The following LEUTX variants were observed in gnomAD, a reference collection of about 807,000 sequenced individuals.
The protein encoded by LEUTX is leucine twenty homeobox.
LEUTX carries 5 observed loss-of-function variants against 4.5 expected under a neutral mutation model. The ratio of observed to expected loss-of-function variants is 1.11; its 90% confidence interval spans 0.58 to 2.34. The LOEUF is 2.34. Ranked by LOEUF, LEUTX falls within the 30% of genes most tolerant of loss-of-function variation. The pLI, the probability that LEUTX is intolerant of heterozygous loss-of-function variation, is 0.01. For synonymous variants in LEUTX, 89 were observed against 85.1 expected, an observed-to-expected ratio of 1.05 and a Z score of -0.25; for missense variants, 233 against 239.4, an observed-to-expected ratio of 0.97 and a Z score of 0.18.
intron 1 of LEUTX, among the ~76,000 whole-genome samples, chr19:39,780,249 A>T (rs988069978): frequency 2.6e-5 from 4 of 152,212 alleles, no homozygotes; most frequent in African/African-American, 9.6e-5. Flanking sequence ...AGATGATTTT[A>T]AACTCAAAGC....
chr19:39,782,700 T>A (rs1967904083), intron 1 of LEUTX, among the ~76,000 whole-genome samples: 1 of 152,078 alleles, frequency 6.6e-6, no homozygotes, highest in Non-Finnish European at 1.5e-5. Context: ...TAAAAACATG[T>A]CCTGCTCAGT....
At chr19:39,776,779 G>A (rs746542480), upstream of LEUTX, 18 of 416,738 alleles carry the variant, frequency 4.3e-5, no homozygotes, top group African/African-American at 1.0e-4. Context: ...TGCTTGGGAG[G>A]CTGAGGCGGG....
At chr19:39,783,353 A>T in intron 1 of LEUTX, among the ~76,000 whole-genome samples, 1 of 99,846 alleles carries the variant, frequency 1.0e-5, no homozygotes, top group African/African-American at 3.5e-5. Context: ...ATATATATAC[A>T]TATATATATA....
intron 1 of LEUTX, among the ~76,000 whole-genome samples, chr19:39,783,654 C>A (rs996738766): frequency 6.6e-6 from 1 of 151,900 alleles, no homozygotes; most frequent in African/African-American, 2.4e-5. Context: ...ACTGCATCCA[C>A]GCCAACATCT....
At chr19:39,785,655 T>A in intron 2 of LEUTX, 43 bp from the exon 3 acceptor site, 1 of 1,466,312 alleles carries the variant, frequency 6.8e-7, no homozygotes. Flanking sequence ...TGCCCCTTTA[T>A]ACTCAACATC....
rs1599618995 is a variant in LEUTX at position 39,785,750 on chromosome 19, T to A, written c.212T>A (p.Met71Lys). 3 of 1,551,686 alleles carry A rather than the reference T, an allele frequency of 1.9e-6. No homozygotes were observed. The highest frequency in any genetic ancestry group is 2.6e-6 in the Non-Finnish European group (3 of 1,146,984). The change falls in exon 3 of 3, where the codon ATG becomes AAG. Residue 71 changes from methionine to lysine, a missense_variant. Physicochemically the swap from Met to Lys is moderately conservative, Grantham distance 95 (BLOSUM62 -1). Coordinates refer to ENST00000638280, the MANE Select transcript of LEUTX (RefSeq NM_001382345.1). ...AKWKRQQRQQ[M>K]QTRPSLGPAN... ...TGGAAGAGGCAGCAGCGGCAGCAAA[T>A]GCAGACACGGCCATCACTAGGGCCA...
At chr19:39,780,004 ACT>A (rs1006487688) in intron 1 of LEUTX, among the ~76,000 whole-genome samples, 4 of 152,162 alleles carry the variant, frequency 2.6e-5, no homozygotes, top group Non-Finnish European at 4.4e-5. Flanking sequence ...ACAGAGCAAG[ACT>A]CTGTCTCAAA....
upstream of LEUTX, among the ~76,000 whole-genome samples, chr19:39,778,044 T>C (rs1339352855): frequency 6.6e-6 from 1 of 151,944 alleles, no homozygotes; most frequent in African/African-American, 2.4e-5. Context: ...GGGGAGGCCA[T>C]ATCTCATGGA....
rs1236076702 is a variant in LEUTX, at chr19:39,780,191, A to G, written c.7+1264A>G. Among the ~76,000 whole-genome samples the G allele has an allele frequency of 2.0e-5, 3 of 152,216 alleles. No homozygotes were observed. The East Asian group carries it at 5.8e-4, about 29-fold the overall frequency. ...TTTCCTATTGTTTAATACTAAACTT[A>G]CAAAAATACTAATTAGTCGATTTTA... On this transcript the variant is annotated intron_variant, in intron 1 of 2. Coordinates refer to ENST00000638280, the MANE Select transcript of LEUTX (RefSeq NM_001382345.1).
rs76265424 is a variant in LEUTX at position 39,784,936 on chromosome 19, T to C, written c.159+258T>C. 7.5e-3 allele frequency among the ~76,000 whole-genome samples: 1,136 copies of C among 152,274 alleles called. 16 individuals are homozygous for C. The highest frequency in any genetic ancestry group is 0.026 in the African/African-American group (1,076 of 41,562). On this transcript the variant is annotated intron_variant, in intron 2 of 2. Transcript: ENST00000638280. ...GACCTTTCCAACTCCAGACCCACCA[T>C]GCTACACAGGACTCTTTGAGGCTGG...
At chr19:39,784,407 T>C (rs909834576) in intron 1 of LEUTX, 120 bp from the exon 2 acceptor site, 4 of 593,706 alleles carry the variant, frequency 6.7e-6, no homozygotes, top group Non-Finnish European at 1.2e-5. Context: ...AGAGGGACGG[T>C]CTAGGGCTCA....
At chr19:39,781,730 G>A (rs1179711763) in intron 1 of LEUTX, among the ~76,000 whole-genome samples, 1 of 152,178 alleles carries the variant, frequency 6.6e-6, no homozygotes, top group African/African-American at 2.4e-5. Flanking sequence ...GCAGATGCCA[G>A]CACTATGCTT....
At chr19:39,776,888 A>T (rs1386847782), upstream of LEUTX, among the ~76,000 whole-genome samples, 1 of 152,126 alleles carries the variant, frequency 6.6e-6, no homozygotes, top group Non-Finnish European at 1.5e-5. Context: ...AAGAAAGAAA[A>T]AAGGGAAAGA....
Position 39,784,418 on chromosome 19 carries a change from A to G in LEUTX, c.8-109A>G. 8 of 612,170 alleles carry G rather than the reference A, an allele frequency of 1.3e-5. No individual in the cohort carries two copies. The Admixed American group carries it at 2.1e-4, about 16-fold the overall frequency. The allele number at this position is 612,170 out of a possible 1,614,324, so 37.9% of individuals were successfully genotyped here. A position where few individuals can be genotyped will look rare whatever the true frequency, so the allele number is the denominator to read the frequency against. On this transcript the variant is annotated intron_variant, in intron 1 of 2. Coordinates refer to ENST00000638280, the MANE Select transcript of LEUTX (RefSeq NM_001382345.1). ...TGTCAGAGGGACGGTCTAGGGCTCA[A>G]GGCTGTTGTTCAGATTCTTTTGTCC...
rs754764564 is a variant in LEUTX at position 39,786,218 on chromosome 19, G to A, written c.*83G>A. On this transcript the variant is annotated 3_prime_UTR_variant, in exon 3 of 3. Transcript: ENST00000638280. Reference sequence around the variant, plus strand: ...ACACATCTTTAATGGTTTGACCCCAGTCTAAGTAGATCAGGGGCTGGGAAT... The same window carrying A: ...ACACATCTTTAATGGTTTGACCCCAATCTAAGTAGATCAGGGGCTGGGAAT... The A allele has an allele frequency of 1.4e-4, 151 of 1,054,620 alleles. No homozygotes were observed. The highest frequency in any genetic ancestry group is 2.0e-4 in the Non-Finnish European group (147 of 751,700). The allele number at this position is 1,054,620 out of a possible 1,614,324, so 65.3% of individuals were successfully genotyped here. A position where few individuals can be genotyped will look rare whatever the true frequency, so the allele number is the denominator to read the frequency against.
chr19:39,782,631 T>C (rs1487920148), intron 1 of LEUTX, among the ~76,000 whole-genome samples: 1 of 152,162 alleles, frequency 6.6e-6, no homozygotes, highest in East Asian at 1.9e-4. Flanking sequence ...GAGGTTGATG[T>C]TCCTCCTCCA....
chr19:39,784,717 C>T, intron 2 of LEUTX, 39 bp downstream of exon 2: 1 of 1,424,844 alleles, frequency 7.0e-7, no homozygotes. Flanking sequence ...CACGCCTAAC[C>T]CAGAGCTTCA....
chr19:39,784,383 G>T lies in LEUTX; in HGVS notation c.8-144G>T, dbSNP rs1967932955. ...TTGGTTTTCTGGTTCCTTCTCATTTGTGTAGGCTCTGTCAGAGGGACGGTC... is the reference window on the plus strand; with the variant it reads ...TTGGTTTTCTGGTTCCTTCTCATTTTTGTAGGCTCTGTCAGAGGGACGGTC... On this transcript the variant is annotated intron_variant, in intron 1 of 2. Coordinates refer to ENST00000638280, the MANE Select transcript of LEUTX (RefSeq NM_001382345.1). 5.7e-6 allele frequency: 3 copies of T among 523,004 alleles called. No individual in the cohort carries two copies. The East Asian group carries it at 8.9e-5, about 16-fold the overall frequency. The allele number at this position is 523,004 out of a possible 1,614,324, so 32.4% of individuals were successfully genotyped here.
At chr19:39,783,362 TATAC>T (rs55729193) in intron 1 of LEUTX, among the ~76,000 whole-genome samples, 12,715 of 104,502 alleles carry the variant, frequency 0.12, 597 homozygotes, top group Non-Finnish European at 0.15. Flanking sequence ...CATATATATA[TATAC>T]ACACACACAC....
Sources: allele counts gnomAD v4.1 joint callset (sites outside exome capture counted in the v4.1 genomes callset), GRCh38; gene constraint gnomAD v4.1.1; transcripts MANE v1.5; gene names NCBI Gene and HGNC (gene_info 2026-07-23, HGNC 2026-07-21).